The following KIF12 variants were observed in gnomAD, a reference collection of about 807,000 sequenced individuals.
KIF12 encodes kinesin-like protein KIF12.
In KIF12, 80 loss-of-function variants were observed where a neutral mutation model predicts 87.9. That is an observed-to-expected ratio of 0.91 (90% CI 0.76 to 1.10). The LOEUF is 1.10. KIF12 is among the 50% of genes least tolerant of loss of function. The probability of loss-of-function intolerance (pLI) is 0.00; values close to 1 mark genes in which losing one functional copy is unlikely to be tolerated. For missense variants in KIF12, 819 were observed against 865.3 expected, an observed-to-expected ratio of 0.95 and a Z score of 0.67; for synonymous variants, 353 against 348.5, an observed-to-expected ratio of 1.01 and a Z score of -0.14.
Position 114,093,251 on chromosome 9 carries a change from G to C in KIF12, c.1574C>G (p.Pro525Arg). ...TACCTGGGGCAGGTGGTGCTCCCCTGGCAGGCAGGCCCAGTGGGCCAGGGG... is the reference window on the plus strand; with the variant it reads ...TACCTGGGGCAGGTGGTGCTCCCCTCGCAGGCAGGCCCAGTGGGCCAGGGG... Reference protein sequence around the residue: ...RVPLAHWACLPGEHHLPQVLD... With the variant: ...RVPLAHWACLRGEHHLPQVLD... Residue 525 changes from proline (P) to arginine (R), a missense_variant, in exon 16 of 19, where the codon CCA becomes CGA. Transcript: ENST00000640217. The C allele has an allele frequency of 6.4e-7, 1 of 1,554,916 alleles. No homozygotes were observed. The highest frequency in any genetic ancestry group is 8.7e-7 in the Non-Finnish European group (1 of 1,148,404).
At chr9:114,096,357 G>C (rs758762647) in intron 8 of KIF12, 30 bp downstream of exon 8, 1 of 1,606,322 alleles carries the variant, frequency 6.2e-7, no homozygotes. Flanking sequence ...GTGGCCCCGG[G>C]TAAGCACCTT....
chr9:114,092,260 G>A, intron 18 of KIF12, 73 bp downstream of exon 18: 2 of 1,488,146 alleles, frequency 1.3e-6, no homozygotes, highest in Non-Finnish European at 1.8e-6. Context: ...ATAAGACTGA[G>A]GCCTGGAGAG....
chr9:114,095,177 A>AAGACCCAACCTTCCCTGCC, intron 10 of KIF12, 37 bp downstream of exon 10: 10 of 1,611,502 alleles, frequency 6.2e-6, no homozygotes, highest in Non-Finnish European at 8.5e-6. Context: ...CCCCTTCCTC[A>AAGACCCAACCTTCCCTGCC]AGACCCAACC....
chr9:114,098,888 C>T (rs1165012341), intron 3 of KIF12, 47 bp downstream of exon 3: 37 of 1,531,752 alleles, frequency 2.4e-5, no homozygotes, highest in Non-Finnish European at 3.2e-5. Flanking sequence ...AGGGATCTGG[C>T]GTCCCCGGGA....
At chr9:114,096,910 T>C (rs1847254660) in intron 7 of KIF12, among the ~76,000 whole-genome samples, 1 of 152,136 alleles carries the variant, frequency 6.6e-6, no homozygotes, top group African/African-American at 2.4e-5. Context: ...CTAAGAGGTA[T>C]GACCTTGATC....
chr9:114,096,323 T>C (rs1426383279), intron 8 of KIF12, 64 bp downstream of exon 8: 1 of 1,595,876 alleles, frequency 6.3e-7, no homozygotes, highest in Non-Finnish European at 8.6e-7. Context: ...TTGGTTTATA[T>C]GTCCAGATAC....
intron 14 of KIF12, 138 bp from the exon 15 acceptor site, chr9:114,093,635 T>C (rs2134881946): frequency 1.3e-6 from 1 of 765,956 alleles, no homozygotes; most frequent in Non-Finnish European, 2.2e-6. Context: ...CATGTTAACT[T>C]ATTCTCTCTG....
At chr9:114,095,376 T>C (rs7036734) in intron 9 of KIF12, 44 bp from the exon 10 acceptor site, 823,590 of 1,579,482 alleles carry the variant, frequency 0.52, 217,626 homozygotes, top group South Asian at 0.68. Context: ...ATCACTTGCC[T>C]AGGGCCATCA....
At chr9:114,094,149 CA>C (rs761111764) in intron 13 of KIF12, 31 bp downstream of exon 13, 94 of 1,589,966 alleles carry the variant, frequency 5.9e-5, no homozygotes, top group Non-Finnish European at 7.8e-5. Flanking sequence ...GGGTGGGGAG[CA>C]GCATCCCTCT....
rs1288639927 is a variant in KIF12 at position 114,096,429 on chromosome 9, G to A, written c.696C>T (p.Ser232=). The A allele has an allele frequency of 1.9e-6, 3 of 1,613,140 alleles. No homozygotes were observed. Among genetic ancestry groups the A allele is most frequent in the East Asian group, 4.5e-5 (2 of 44,864 alleles). Residue 232 remains serine (S), a synonymous_variant, in exon 8 of 19, where the codon AGC becomes AGT. Coordinates refer to ENST00000640217, the MANE Select transcript of KIF12 (RefSeq NM_001388308.1). ...NSAHTLNQAS[S]RSHALLTLYI... is the part of the protein sequence containing the mutation. Reference sequence around the variant, plus strand: ...AAAGGGTGAGCAGGGCATGGCTTCGGCTGGAGGCCTGGTTCAGGGTGTGGG... The same window carrying A: ...AAAGGGTGAGCAGGGCATGGCTTCGACTGGAGGCCTGGTTCAGGGTGTGGG...
chr9:114,094,212 G>A lies in KIF12; in HGVS notation c.1282C>T (p.Gln428Ter), dbSNP rs746414476. ...CTCTCATTCTCTAGCATGAACTCCT[G>A]TAGCATCCCGTACAGGTTCCGCTGG... ...WAQRNLYGML[Q>*]EFMLENERLR... Residue 428 changes from glutamine (Q) to a stop codon, truncating the protein, a stop_gained, in exon 13 of 19, where the codon CAG becomes TAG. Coordinates refer to ENST00000640217, the MANE Select transcript of KIF12 (RefSeq NM_001388308.1). LOFTEE classifies it high-confidence loss of function. 5.0e-6 allele frequency: 8 copies of A among 1,613,940 alleles called. No homozygotes were observed. The highest frequency in any genetic ancestry group is 6.8e-6 in the Non-Finnish European group (8 of 1,179,990).
At position 114,097,300 on chromosome 9, in the gene KIF12, C is replaced by T; in HGVS notation, c.646+1G>A. The T allele has an allele frequency of 1.9e-6, 3 of 1,609,642 alleles. No homozygotes were observed. The highest frequency in any genetic ancestry group is 2.5e-6 in the Non-Finnish European group (3 of 1,178,960). On this transcript the variant is annotated splice_donor_variant, in intron 7 of 18. Coordinates refer to ENST00000640217, the MANE Select transcript of KIF12 (RefSeq NM_001388308.1). LOFTEE classifies it high-confidence loss of function. ...CAAAACTCCCCGCTGTCAGCACACACCCGTTTGCAAAAGTTCCATCAGGGC... is the reference window on the plus strand; with the variant it reads ...CAAAACTCCCCGCTGTCAGCACACATCCGTTTGCAAAAGTTCCATCAGGGC...
intron 3 of KIF12, 142 bp downstream of exon 3, chr9:114,098,793 G>T (rs1302052504): frequency 2.2e-6 from 2 of 925,222 alleles, no homozygotes; most frequent in African/African-American, 1.7e-5. Flanking sequence ...ATCCTGGAAG[G>T]GAGGGGCACT....
rs1325872043 is a variant in KIF12 at position 114,092,541 on chromosome 9, CCTCT to C, written c.1694_1697del (p.Glu565GlyfsTer16). On this transcript the variant is annotated frameshift_variant and splice_region_variant, in exon 17 of 19. Transcript: ENST00000640217. LOFTEE classifies it high-confidence loss of function. ...ACCTCAGTGCCCCAGGAGAGACCCA[CCTCT>C]CTCTTGGGCACTTGGCAGAGCCAGG... The C allele has an allele frequency of 6.2e-7, 1 of 1,612,564 alleles. No individual in the cohort carries two copies. Among genetic ancestry groups the C allele is most frequent in the Non-Finnish European group, 8.5e-7 (1 of 1,179,782 alleles).
rs888252426 is a variant in KIF12 at position 114,092,640 on chromosome 9, C to T, written c.1599G>A (p.Val533=). 8.2e-6 allele frequency: 13 copies of T among 1,585,764 alleles called. No homozygotes were observed. Among genetic ancestry groups the T allele is most frequent in the Non-Finnish European group, 1.1e-5 (13 of 1,170,110 alleles). The change falls in exon 17 of 19, where the codon GTG becomes GTA. Residue 533 remains valine (V), a splice_region_variant and synonymous_variant. Coordinates refer to ENST00000640217, the MANE Select transcript of KIF12 (RefSeq NM_001388308.1). ...TGCCACCTGAGGCCTCAGGGTCCAA[C>T]ACCTGTAGGAAAGACCAGAGTCCAC... The part of the protein sequence containing the change: ...CLPGEHHLPQ[V]LDPEASGGRP...
chr9:114,094,944 A>G, intron 11 of KIF12, 79 bp downstream of exon 11: 1 of 1,263,950 alleles, frequency 7.9e-7, no homozygotes, highest in Non-Finnish European at 1.1e-6. Flanking sequence ...ACTTCAATCA[A>G]GGGACTCAGG....
chr9:114,094,034 C>T, intron 13 of KIF12, 62 bp from the exon 14 acceptor site: 1 of 1,496,002 alleles, frequency 6.7e-7, no homozygotes, highest in Non-Finnish European at 9.3e-7. Context: ...CATCAGTCAG[C>T]TCCTCCTCAT....
chr9:114,095,072 C>A lies in KIF12; in HGVS notation c.1070G>T (p.Arg357Leu), dbSNP rs746948055. Residue 357 changes from arginine (R) to leucine (L), a missense_variant, in exon 11 of 19, where the codon CGA becomes CTA. By Grantham distance (102) the Arg-to-Leu change is moderately radical. Transcript: ENST00000640217. The stretch of plus-strand genomic sequence containing the variant: ...GACCCGCTGAGCTCGGCTTGCATAT[C>A]GCAGGGTGCTGAGAGTCTCAGGAAG... The part of the protein sequence containing the change: ...QCLPETLSTL[R>L]YASRAQRVTT... The A allele has an allele frequency of 1.2e-6, 2 of 1,610,304 alleles. No individual in the cohort carries two copies. Among genetic ancestry groups the A allele is most frequent in the Admixed American group, 3.3e-5 (2 of 59,788 alleles).
chr9:114,098,504 A>AGGGGCACCGT, intron 3 of KIF12, 75 bp from the exon 4 acceptor site: 1 of 401,148 alleles, frequency 2.5e-6, no homozygotes, highest in African/African-American at 8.6e-5. Context: ...GGCACCGTGG[A>AGGGGCACCGT]GGAGGGCGGG....
Sources: allele counts gnomAD v4.1 joint callset (sites outside exome capture counted in the v4.1 genomes callset), GRCh38; gene constraint gnomAD v4.1.1; transcripts MANE v1.5; gene names NCBI Gene and HGNC (gene_info 2026-07-23, HGNC 2026-07-21).